The following PLCB4 variants were observed in gnomAD, a reference collection of about 807,000 sequenced individuals.
The protein encoded by PLCB4 is phospholipase C beta 4, also known as 1-phosphatidylinositol 4,5-bisphosphate phosphodiesterase beta-4.
Under a neutral mutation model 178.8 loss-of-function variants are expected in PLCB4, and 77 were observed. The ratio of observed to expected loss-of-function variants is 0.43; its 90% CI spans 0.36 to 0.52. The LOEUF (loss-of-function observed/expected upper bound fraction) is 0.52, where lower values mean the gene tolerates loss of function less well. Ranked by LOEUF, PLCB4 falls within the 20% of genes least tolerant of loss-of-function variation. The pLI, the probability that PLCB4 is intolerant of heterozygous loss-of-function variation, is 0.00. For missense variants in PLCB4, 1,024 were observed against 1,453.4 expected (o/e 0.70, Z 4.80); for synonymous variants, 496 against 490.8 (o/e 1.01, Z -0.14).
rs532127684 is a variant in PLCB4 at position 9,305,120 on chromosome 20, G to A, written c.-15-2680G>A. Among the ~76,000 whole-genome samples the A allele has an allele frequency of 2.9e-4, 42 of 145,206 alleles. 1 individual carries two copies. The Middle Eastern group carries it at 0.012, about 41-fold the overall frequency. ...AAACAACCATAATTTTACCTAATCC[G>A]AAAACATCTTTTATAAGTGAATTTA... On this transcript the variant is annotated intron_variant, in intron 3 of 39. Coordinates refer to ENST00000378473, the MANE Select transcript of PLCB4 (RefSeq NM_001377142.1).
chr20:9,265,408 C>T (rs777565456), intron 3 of PLCB4, among the ~76,000 whole-genome samples: 3 of 152,158 alleles, frequency 2.0e-5, no homozygotes, highest in African/African-American at 7.2e-5. Flanking sequence ...ACTTGAACCC[C>T]GGAGGTAAAG....
intron 2 of PLCB4, among the ~76,000 whole-genome samples, chr20:9,098,804 GA>G (rs1167601601): frequency 2.8e-5 from 4 of 143,536 alleles, no homozygotes; most frequent in African/African-American, 1.0e-4. Flanking sequence ...GACATCCTTG[GA>G]ATTAATTGCC....
chr20:9,383,151 T>C (rs796615361), intron 13 of PLCB4, among the ~76,000 whole-genome samples: 3 of 152,320 alleles, frequency 2.0e-5, no homozygotes, highest in African/African-American at 7.2e-5. Context: ...ACCCGTTGTT[T>C]GGATAAATGC....
intron 19 of PLCB4, among the ~76,000 whole-genome samples, chr20:9,401,250 T>A (rs1206829977): frequency 6.6e-6 from 1 of 152,210 alleles, no homozygotes; most frequent in East Asian, 1.9e-4. Context: ...CATCAAGCAT[T>A]TCAAACCACA....
In PLCB4 at chr20:9,097,332, T is replaced by C. The variant is rs1600378515; in HGVS notation, c.-79+990T>C. The stretch of plus-strand genomic sequence containing the variant: ...AAAGGTGTAGTTGGGGACTTGGTTC[T>C]GACTAGAGCCATGCGTTCAGGGAGT... On this transcript the variant is annotated intron_variant, in intron 2 of 39. Transcript: ENST00000378473. Among the ~76,000 whole-genome samples, 8 of 151,064 alleles carry C rather than the reference T, an allele frequency of 5.3e-5. 1 individual carries two copies.
At chr20:9,133,247 G>A (rs915104626) in intron 2 of PLCB4, among the ~76,000 whole-genome samples, 4 of 151,994 alleles carry the variant, frequency 2.6e-5, no homozygotes, top group African/African-American at 4.8e-5. Flanking sequence ...CTGTTTTTCT[G>A]ATCACACTGA....
chr20:9,382,590 A>T lies in PLCB4; in HGVS notation c.854-1611A>T, dbSNP rs566863928. On this transcript the variant is annotated intron_variant, in intron 13 of 39. Transcript: ENST00000378473. ...CATACATCTGCATCAAGGTCTTTGC[A>T]CTTGATGATCCTTCTGCCTGGACTG... is the stretch of plus-strand genomic sequence containing the variant. Among the ~76,000 whole-genome samples, 9 of 152,256 alleles carry T rather than the reference A, an allele frequency of 5.9e-5. 1 individual carries two copies. In the South Asian group the frequency reaches 1.9e-3, roughly 32 times the overall value.
At chr20:9,086,016 ACT>A (rs1453572732) in intron 1 of PLCB4, among the ~76,000 whole-genome samples, 1 of 151,924 alleles carries the variant, frequency 6.6e-6, no homozygotes, top group African/African-American at 2.4e-5. Flanking sequence ...ATATGTTTAA[ACT>A]CTTTTTTTGA....
chr20:9,246,594 A>C (rs912374794), intron 3 of PLCB4, among the ~76,000 whole-genome samples: 1 of 151,650 alleles, frequency 6.6e-6, no homozygotes, highest in Admixed American at 6.6e-5. Flanking sequence ...TGGCATCTTG[A>C]GGACAGCACT....
intron 2 of PLCB4, among the ~76,000 whole-genome samples, chr20:9,140,984 G>A (rs749012120): frequency 7.4e-4 from 112 of 152,178 alleles, no homozygotes; most frequent in Non-Finnish European, 7.4e-4. Flanking sequence ...ATAGTTTATT[G>A]GGGACTGCCG....
intron 18 of PLCB4, among the ~76,000 whole-genome samples, chr20:9,394,840 T>G (rs1348853036): frequency 6.6e-6 from 1 of 152,216 alleles, no homozygotes; most frequent in African/African-American, 2.4e-5. Context: ...GAGTGCCTGT[T>G]TCCCACCAAT....
At chr20:9,253,190 C>T (rs1227865949) in intron 3 of PLCB4, among the ~76,000 whole-genome samples, 1 of 152,192 alleles carries the variant, frequency 6.6e-6, no homozygotes, top group East Asian at 1.9e-4. Context: ...GGGTGAGTAA[C>T]CAACTGTGAC....
chr20:9,392,769 C>G (rs1163018628), intron 17 of PLCB4, among the ~76,000 whole-genome samples: 2 of 152,096 alleles, frequency 1.3e-5, no homozygotes, highest in Non-Finnish European at 2.9e-5. Context: ...CCAGTTATAC[C>G]ACGCTGCTGG....
chr20:9,114,102 TA>T (rs2091695597), intron 2 of PLCB4, among the ~76,000 whole-genome samples: 1 of 152,068 alleles, frequency 6.6e-6, no homozygotes. Context: ...TAATCCCAGC[TA>T]CTCGGGAGGC....
At chr20:9,457,656 C>A (rs1276287580) in intron 34 of PLCB4, among the ~76,000 whole-genome samples, 167 bp downstream of exon 34, 1 of 152,142 alleles carries the variant, frequency 6.6e-6, no homozygotes, top group Non-Finnish European at 1.5e-5. Context: ...TTGCCTCAGA[C>A]TCACTGGCTT....
intron 3 of PLCB4, among the ~76,000 whole-genome samples, chr20:9,279,513 C>A (rs1242722031): frequency 6.6e-6 from 1 of 151,892 alleles, no homozygotes; most frequent in African/African-American, 2.4e-5. Context: ...ATAGAAGATT[C>A]ATTTTAGCCA....
At chr20:9,213,128 CTTTTTTTTTTTTTTTTTT>C (rs56785951) in intron 2 of PLCB4, among the ~76,000 whole-genome samples, 5 of 35,728 alleles carry the variant, frequency 1.4e-4, no homozygotes, top group Non-Finnish European at 1.9e-4. Flanking sequence ...CGTTAGCATA[CTTTTTTTTTTTTTTTTTT>C]TTTTTTTTTT....
chr20:9,241,605 A>G (rs1009184540), intron 3 of PLCB4, among the ~76,000 whole-genome samples: 9 of 152,220 alleles, frequency 5.9e-5, no homozygotes, highest in African/African-American at 1.9e-4. Context: ...TTATGTCTAG[A>G]GTAGCAATGG....
chr20:9,390,236 C>T (rs1403920786), intron 16 of PLCB4, among the ~76,000 whole-genome samples: 1 of 152,176 alleles, frequency 6.6e-6, no homozygotes, highest in Non-Finnish European at 1.5e-5. Flanking sequence ...ATTGGGACAC[C>T]TTACTTAAAG....
Sources: allele counts gnomAD v4.1 joint callset (sites outside exome capture counted in the v4.1 genomes callset), GRCh38; gene constraint gnomAD v4.1.1; transcripts MANE v1.5; gene names NCBI Gene and HGNC (gene_info 2026-07-23, HGNC 2026-07-21).